DENND2C: variants seen among roughly 807,000 people sequenced by gnomAD.
DENND2C encodes the protein DENN domain containing 2C, also known as DENN domain-containing protein 2C.
DENND2C carries 72 observed loss-of-function variants against 112.4 expected under a neutral mutation model. The observed-to-expected ratio is 0.64, with a 90% CI of 0.53 to 0.78. DENND2C has a LOEUF of 0.78. Among genes scored for constraint, DENND2C ranks in the 30% least tolerant of loss-of-function variants. The probability of loss-of-function intolerance (pLI) is 0.00; values close to 1 mark genes in which losing one functional copy is unlikely to be tolerated. For missense variants in DENND2C, 992 were observed against 1,113.8 expected, an observed-to-expected ratio of 0.89 and a Z score of 1.56; for synonymous variants, 329 against 381.6, an observed-to-expected ratio of 0.86 and a Z score of 1.61.
At position 114,587,873 on chromosome 1, in the gene DENND2C, C is replaced by T. The variant is rs761257163; in HGVS notation, c.2511G>A (p.Met837Ile). ...CACGCTCCCCACGCTCAGTGACAGT[C>T]ATGTTCAAAGAATAATGTCCTACCA... ...VELVGHYSLNMTVTERGERVF... is the reference protein window; with the variant it reads ...VELVGHYSLNITVTERGERVF... The change falls in exon 19 of 21, where the codon ATG (methionine) becomes ATA (isoleucine). Residue 837 changes from methionine to isoleucine, a missense_variant. Physicochemically the swap from Met to Ile is conservative, Grantham distance 10. Coordinates refer to ENST00000393274, the MANE Select transcript of DENND2C (RefSeq NM_001256404.2). 6 of 1,613,982 alleles carry T rather than the reference C, an allele frequency of 3.7e-6. No individual in the cohort carries two copies. The highest frequency in any genetic ancestry group is 5.1e-6 in the Non-Finnish European group (6 of 1,180,044).
intron 3 of DENND2C, among the ~76,000 whole-genome samples, chr1:114,628,361 A>G (rs1015305667): frequency 4.6e-5 from 7 of 152,000 alleles, no homozygotes; most frequent in African/African-American, 1.7e-4. Context: ...GACTGGCAAC[A>G]AATGGCTAAA....
chr1:114,653,394 C>T (rs111757151), intron 2 of DENND2C, among the ~76,000 whole-genome samples: 2 of 152,100 alleles, frequency 1.3e-5, no homozygotes, highest in East Asian at 3.8e-4. Flanking sequence ...CAGGTGTGAG[C>T]CACTGCGCCC....
intron 3 of DENND2C, among the ~76,000 whole-genome samples, chr1:114,630,085 C>T (rs1046950951): frequency 3.3e-5 from 5 of 151,804 alleles, no homozygotes; most frequent in African/African-American, 7.3e-5. Context: ...GAGGCTGAGG[C>T]GGGCGGATCA....
Position 114,659,145 on chromosome 1 carries a change from A to C in DENND2C, c.-573-4384T>G, listed in dbSNP as rs570915584. On this transcript the variant is annotated intron_variant, in intron 1 of 20. Transcript: ENST00000393274. ...CTGAAAGTCTGGTAATAGTAATAAG[A>C]ACTAACAATCTCTCTATATTTTATT... is the stretch of plus-strand genomic sequence containing the variant. Among the ~76,000 whole-genome samples the C allele has an allele frequency of 1.2e-4, 18 of 152,278 alleles. No individual in the cohort carries two copies. The South Asian group carries it at 2.7e-3, about 23-fold the overall frequency.
rs556172950 is a variant in DENND2C at position 114,598,854 on chromosome 1, G to T, written c.2283+420C>A. 3.1e-3 allele frequency among the ~76,000 whole-genome samples: 478 copies of T among 152,092 alleles called. 2 individuals are homozygous for T. The highest frequency in any genetic ancestry group is 0.011 in the African/African-American group (453 of 41,464). On this transcript the variant is annotated intron_variant, in intron 16 of 20. Transcript: ENST00000393274. ...GTACCACCATGCCTCGCTAATTTTTGTCTTTTTAGTAGAGATGGAGTTTTA... is the reference window on the plus strand; with the variant it reads ...GTACCACCATGCCTCGCTAATTTTTTTCTTTTTAGTAGAGATGGAGTTTTA...
chr1:114,655,122 G>A (rs1028146812), intron 1 of DENND2C, among the ~76,000 whole-genome samples: 1 of 152,108 alleles, frequency 6.6e-6, no homozygotes, highest in African/African-American at 2.4e-5. Flanking sequence ...ATGGATATTA[G>A]ATTAGGCAAA....
chr1:114,638,721 C>T (rs887645859), intron 3 of DENND2C, among the ~76,000 whole-genome samples: 2 of 139,576 alleles, frequency 1.4e-5, no homozygotes, highest in African/African-American at 5.5e-5. Context: ...GATGATTACA[C>T]TACTGCACTC....
At chr1:114,664,351 G>A (rs976332913) in intron 1 of DENND2C, among the ~76,000 whole-genome samples, 1 of 152,144 alleles carries the variant, frequency 6.6e-6, no homozygotes, top group African/African-American at 2.4e-5. Context: ...AGTGGCTCAT[G>A]CCTGTAATCC....
intron 8 of DENND2C, among the ~76,000 whole-genome samples, chr1:114,614,887 G>A (rs758813470): frequency 2.4e-4 from 36 of 151,972 alleles, no homozygotes; most frequent in Admixed American, 2.0e-4. Flanking sequence ...GGTGACACAC[G>A]CCTGTAATCA....
chr1:114,648,407 G>A (rs140431124), intron 2 of DENND2C, among the ~76,000 whole-genome samples: 2 of 152,148 alleles, frequency 1.3e-5, no homozygotes, highest in Non-Finnish European at 2.9e-5. Flanking sequence ...AATAGGAGTC[G>A]AATACCCCCA....
chr1:114,591,290 A>G (rs561360042), intron 18 of DENND2C, among the ~76,000 whole-genome samples: 22 of 152,258 alleles, frequency 1.4e-4, no homozygotes, highest in African/African-American at 5.1e-4. Flanking sequence ...TTTTGTGAAT[A>G]TGGTGGGTAT....
rs748975071 is a variant in DENND2C, at chr1:114,587,944, G to A, written c.2440C>T (p.Leu814Phe). Reference sequence around the variant, plus strand: ...AATGCTTCGGACACCAGAGAGTTGAGTGTCACATCTGCTGCAACATGAAAA... The same window carrying A: ...AATGCTTCGGACACCAGAGAGTTGAATGTCACATCTGCTGCAACATGAAAA... ...QEQNFSQDVT[L>F]NSLVSEAFVR... The change falls in exon 19 of 21, where the codon CTC (leucine) becomes TTC (phenylalanine). Residue 814 changes from leucine (L) to phenylalanine (F), a missense_variant. Around this residue, in one of 3 missense-constraint regions of DENND2C, gnomAD observed 516 missense variants for 623.6 expected, o/e 0.83. Transcript: ENST00000393274. The A allele has an allele frequency of 6.2e-7, 1 of 1,613,814 alleles. No homozygotes were observed. Among genetic ancestry groups the A allele is most frequent in the Non-Finnish European group, 8.5e-7 (1 of 1,179,884 alleles).
intron 18 of DENND2C, among the ~76,000 whole-genome samples, chr1:114,592,853 C>T (rs1159472330): frequency 6.6e-6 from 1 of 152,220 alleles, no homozygotes; most frequent in East Asian, 1.9e-4. Context: ...TCAAGGTCTT[C>T]ATATTGTCAA....
intron 3 of DENND2C, among the ~76,000 whole-genome samples, chr1:114,631,351 G>C (rs1295559374): frequency 6.6e-6 from 1 of 152,102 alleles, no homozygotes; most frequent in East Asian, 1.9e-4. Context: ...CTTGGCGACA[G>C]AGCAAGACTC....
At chr1:114,665,021 G>C (rs190181988) in intron 1 of DENND2C, among the ~76,000 whole-genome samples, 1 of 151,900 alleles carries the variant, frequency 6.6e-6, no homozygotes, top group Non-Finnish European at 1.5e-5. Context: ...TTGGACCTGG[G>C]AGGCAGAGGT....
At chr1:114,599,209 A>T in intron 16 of DENND2C, 65 bp downstream of exon 16, 1 of 1,244,308 alleles carries the variant, frequency 8.0e-7, no homozygotes, top group Non-Finnish European at 1.1e-6. Context: ...CAATTCCACC[A>T]CTCTTAAGAT....
chr1:114,595,663 T>A, intron 17 of DENND2C, 169 bp downstream of exon 17: 4 of 571,274 alleles, frequency 7.0e-6, no homozygotes, highest in Non-Finnish European at 3.1e-6. Context: ...GAAGCCAAAT[T>A]TTTCAGGTCA....
intron 1 of DENND2C, among the ~76,000 whole-genome samples, chr1:114,657,278 A>G (rs1012679239): frequency 1.3e-5 from 2 of 152,048 alleles, no homozygotes; most frequent in Non-Finnish European, 2.9e-5. Context: ...TTTGTTTCTT[A>G]TCGTACCATA....
chr1:114,616,778 CCAGGAGATAAAGGT>C (rs2101659699), intron 8 of DENND2C, among the ~76,000 whole-genome samples: 1 of 152,176 alleles, frequency 6.6e-6, no homozygotes, highest in Admixed American at 6.5e-5. Context: ...TCCCTTGAAC[CCAGGAGATAAAGGT>C]TGCACTGAGC....
Sources: allele counts gnomAD v4.1 joint callset (sites outside exome capture counted in the v4.1 genomes callset), GRCh38; gene constraint gnomAD v4.1.1; regional missense constraint gnomAD v4.1.1; transcripts MANE v1.5; gene names NCBI Gene and HGNC (gene_info 2026-07-23, HGNC 2026-07-21).